The following TTC33 variants were observed in gnomAD, a reference collection of about 807,000 sequenced individuals.
TTC33 encodes tetratricopeptide repeat domain 33.
In TTC33, 24 loss-of-function variants were observed where a neutral mutation model predicts 29.4. The ratio of observed to expected loss-of-function variants is 0.82; its 90% confidence interval spans 0.59 to 1.15. The LOEUF (loss-of-function observed/expected upper bound fraction) is 1.15, where lower values mean the gene tolerates loss of function less well. Among genes scored for constraint, TTC33 ranks in the 50% most tolerant of loss-of-function variants. The pLI is 0.00. For missense variants in TTC33, 286 were observed against 310.4 expected (o/e 0.92, Z 0.59); for synonymous variants, 107 against 100.3 (o/e 1.07, Z -0.40).
At chr5:40,739,888 AT>A (rs1742657105) in intron 2 of TTC33, among the ~76,000 whole-genome samples, 2 of 151,972 alleles carry the variant, frequency 1.3e-5, no homozygotes, top group African/African-American at 4.8e-5. Context: ...GTTTTGCTGA[AT>A]TTTTTTCCTA....
rs2111896809 is a variant in TTC33, at chr5:40,730,283, G to C, written c.282C>G (p.Thr94=). The stretch of plus-strand genomic sequence containing the variant: ...TTACCTGTGATTTCATCTCGTATAG[G>C]GTAGCATCATTTGGAGTTAACTGTA... ...EALQLTPNDA[T]LYEMKSQVLM... The change falls in exon 3 of 5, where the codon ACC becomes ACG. Residue 94 remains threonine (T), a synonymous_variant. Coordinates refer to ENST00000337702, the MANE Select transcript of TTC33 (RefSeq NM_012382.3). 6.2e-7 allele frequency: 1 copy of C among 1,610,202 alleles called. No individual in the cohort carries two copies. The highest frequency in any genetic ancestry group is 2.2e-5 in the East Asian group (1 of 44,812).
chr5:40,746,795 T>C lies in TTC33; in HGVS notation c.221+3A>G. ...CCATAAAAAAAAAACTTTAAATACATACCTTTTATTTTCAGCCAAACTGGC... is the reference window on the plus strand; with the variant it reads ...CCATAAAAAAAAAACTTTAAATACACACCTTTTATTTTCAGCCAAACTGGC... On this transcript the variant is annotated splice_donor_region_variant and intron_variant, in intron 2 of 4. Coordinates refer to ENST00000337702, the MANE Select transcript of TTC33 (RefSeq NM_012382.3). 3 of 1,607,262 alleles carry C rather than the reference T, an allele frequency of 1.9e-6. No homozygotes were observed. The highest frequency in any genetic ancestry group is 2.2e-5 in the East Asian group (1 of 44,848).
At chr5:40,742,330 T>G (rs1742711864) in intron 2 of TTC33, among the ~76,000 whole-genome samples, 1 of 152,100 alleles carries the variant, frequency 6.6e-6, no homozygotes, top group African/African-American at 2.4e-5. Flanking sequence ...ATAGTAATAA[T>G]AATAATAACT....
intron 4 of TTC33, among the ~76,000 whole-genome samples, chr5:40,718,887 C>A (rs568941940): frequency 6.6e-6 from 1 of 151,854 alleles, no homozygotes; most frequent in Non-Finnish European, 1.5e-5. Flanking sequence ...AGCAACAGAG[C>A]GAGACTGTCT....
intron 1 of TTC33, among the ~76,000 whole-genome samples, chr5:40,752,792 T>C (rs115808412): frequency 7.8e-4 from 119 of 152,318 alleles, no homozygotes; most frequent in African/African-American, 2.8e-3. Flanking sequence ...GCACACATGC[T>C]ATTGGACAAA....
intron 2 of TTC33, among the ~76,000 whole-genome samples, chr5:40,744,101 T>C (rs892322418): frequency 6.6e-6 from 1 of 152,248 alleles, no homozygotes; most frequent in African/African-American, 2.4e-5. Flanking sequence ...CAGGAGTTCC[T>C]AAAGATGTTT....
chr5:40,725,919 G>A (rs1409093759), intron 4 of TTC33, among the ~76,000 whole-genome samples: 1 of 151,460 alleles, frequency 6.6e-6, no homozygotes, highest in East Asian at 1.9e-4. Context: ...CCGAGCAGCT[G>A]GGACTACAGG....
chr5:40,735,080 A>G (rs1196693735), intron 2 of TTC33, among the ~76,000 whole-genome samples: 1 of 152,210 alleles, frequency 6.6e-6, no homozygotes, highest in Non-Finnish European at 1.5e-5. Context: ...TGTTTTGTGG[A>G]AAGGAAATAA....
At chr5:40,737,565 GT>G (rs952808622) in intron 2 of TTC33, among the ~76,000 whole-genome samples, 2 of 152,010 alleles carry the variant, frequency 1.3e-5, no homozygotes, top group Non-Finnish European at 2.9e-5. Context: ...TCAAAACTTT[GT>G]TTTTTTAATC....
At chr5:40,729,291 T>C (rs1742368665) in intron 3 of TTC33, among the ~76,000 whole-genome samples, 2 of 152,218 alleles carry the variant, frequency 1.3e-5, no homozygotes, top group Non-Finnish European at 2.9e-5. Flanking sequence ...CAAATGTGTG[T>C]CCTATATTTG....
chr5:40,746,675 T>C (rs544611763), intron 2 of TTC33, 123 bp downstream of exon 2: 437 of 744,172 alleles, frequency 5.9e-4, no homozygotes, highest in Non-Finnish European at 4.3e-4. Context: ...CTTTGATTAA[T>C]TTAGCACCTA....
In TTC33 at chr5:40,749,655, G is replaced by C. The variant is rs111512620; in HGVS notation, c.-1-2636C>G. ...CAGGCCTATCTCAGAGTTGTTGCAC[G>C]GTCAGTTCCAGACCACTGCAATAAA... On this transcript the variant is annotated intron_variant, in intron 1 of 4. Coordinates refer to ENST00000337702, the MANE Select transcript of TTC33 (RefSeq NM_012382.3). Among the ~76,000 whole-genome samples, 5 of 152,100 alleles carry C rather than the reference G, an allele frequency of 3.3e-5. No individual in the cohort carries two copies. In the South Asian group the frequency reaches 6.2e-4, roughly 19 times the overall value.
intron 3 of TTC33, 151 bp from the exon 4 acceptor site, chr5:40,728,627 A>G: frequency 1.6e-6 from 1 of 639,140 alleles, no homozygotes; most frequent in Non-Finnish European, 2.5e-6. Flanking sequence ...ATTCAGGGTA[A>G]GAAATTATAG....
chr5:40,720,796 T>G (rs1224361080), intron 4 of TTC33, among the ~76,000 whole-genome samples: 1 of 152,154 alleles, frequency 6.6e-6, no homozygotes, highest in Non-Finnish European at 1.5e-5. Context: ...ACCAGAATCC[T>G]ACTCCCAGCA....
chr5:40,752,233 G>A (rs1330433033), intron 1 of TTC33, among the ~76,000 whole-genome samples: 1 of 152,188 alleles, frequency 6.6e-6, no homozygotes, highest in Non-Finnish European at 1.5e-5. Flanking sequence ...TGGCTGGTTT[G>A]ATCTATCTAG....
intron 1 of TTC33, among the ~76,000 whole-genome samples, chr5:40,749,160 G>A (rs1014312380): frequency 1.3e-5 from 2 of 152,108 alleles, no homozygotes; most frequent in Admixed American, 6.6e-5. Flanking sequence ...ATATACAAAT[G>A]TAAGAAATAA....
intron 4 of TTC33, among the ~76,000 whole-genome samples, chr5:40,723,756 T>C (rs1479281557): frequency 2.6e-5 from 4 of 152,048 alleles, no homozygotes; most frequent in African/African-American, 9.7e-5. Flanking sequence ...TCCCAGCTAC[T>C]TGGGAGGCTG....
chr5:40,717,418 C>CTCT (rs1216507314), intron 4 of TTC33, among the ~76,000 whole-genome samples: 1 of 152,084 alleles, frequency 6.6e-6, no homozygotes, highest in Non-Finnish European at 1.5e-5. Context: ...AGAGTCCATT[C>CTCT]TCTTATTCAT....
In TTC33 at chr5:40,716,249, T is replaced by C. The variant is rs777229244; in HGVS notation, c.685A>G (p.Lys229Glu). The C allele has an allele frequency of 1.2e-6, 2 of 1,614,244 alleles. No individual in the cohort carries two copies. The highest frequency in any genetic ancestry group is 8.5e-7 in the Non-Finnish European group (1 of 1,180,038). ...AEKEKTVSAN[K>E]TMVIVSASGA... is the part of the protein sequence containing the mutation. ...GAAGCAGACACAATAACCATTGTTT[T>C]ATTTGCTGAAACTGTCTTCTCTTTC... Residue 229 changes from lysine (K) to glutamate (E), a missense_variant, in exon 5 of 5, where the codon AAA becomes GAA. Physicochemically the swap from Lys to Glu is moderately conservative, Grantham distance 56 (BLOSUM62 1). Coordinates refer to ENST00000337702, the MANE Select transcript of TTC33 (RefSeq NM_012382.3).
Sources: gnomAD v4.1 joint callset for allele counts (sites outside exome capture counted in the v4.1 genomes callset) on GRCh38, gnomAD v4.1.1 for gene constraint, MANE v1.5 for transcripts, NCBI Gene and HGNC (gene_info 2026-07-23, HGNC 2026-07-21) for gene names.